EPHA6: variants seen among roughly 807,000 people sequenced by gnomAD.
EPHA6 encodes ephrin type-A receptor 6.
A neutral mutation model predicts 112.0 loss-of-function variants in EPHA6; 50 were observed. The observed-to-expected ratio is 0.45, with a 90% CI of 0.36 to 0.56. EPHA6 has a LOEUF of 0.56. Among genes scored for constraint, EPHA6 ranks in the 20% least tolerant of loss-of-function variants. The probability of loss-of-function intolerance (pLI) is 0.00; values close to 1 mark genes in which losing one functional copy is unlikely to be tolerated. For synonymous variants in EPHA6, 529 were observed against 490.7 expected (o/e 1.08, Z -1.03); for missense variants, 1,280 against 1,417.4 (o/e 0.90, Z 1.56).
chr3:97,128,762 T>G, intron 3 of EPHA6, among the ~76,000 whole-genome samples: 1 of 152,054 alleles, frequency 6.6e-6, no homozygotes, highest in Non-Finnish European at 1.5e-5. Flanking sequence ...TCAAGTGATC[T>G]GCCCACCTTG....
intron 14 of EPHA6, among the ~76,000 whole-genome samples, chr3:97,709,485 G>A (rs2033854673): frequency 6.6e-6 from 1 of 152,198 alleles, no homozygotes; most frequent in Admixed American, 6.5e-5. Flanking sequence ...GATTTTATAG[G>A]TTCATAGGTG....
intron 5 of EPHA6, among the ~76,000 whole-genome samples, chr3:97,378,159 C>T (rs902599229): frequency 6.6e-6 from 1 of 152,052 alleles, no homozygotes; most frequent in Non-Finnish European, 1.5e-5. Context: ...GACTTGTTGC[C>T]CTGCGTCCCA....
At chr3:96,841,860 G>A (rs1320384736) in intron 1 of EPHA6, among the ~76,000 whole-genome samples, 1 of 152,046 alleles carries the variant, frequency 6.6e-6, no homozygotes, top group Non-Finnish European at 1.5e-5. Context: ...TTTTGAGGAA[G>A]GTTTAGTACC....
At chr3:96,990,296 A>G (rs1380864958) in intron 3 of EPHA6, among the ~76,000 whole-genome samples, 4 of 152,114 alleles carry the variant, frequency 2.6e-5, no homozygotes, top group African/African-American at 9.7e-5. Flanking sequence ...GATTTGGCAA[A>G]GATAGTTTTG....
chr3:97,091,829 G>A (rs568215988), intron 3 of EPHA6, among the ~76,000 whole-genome samples: 2 of 152,020 alleles, frequency 1.3e-5, no homozygotes, highest in Admixed American at 6.6e-5. Context: ...TCTTATCATT[G>A]TAGTACTTTA....
At chr3:97,707,998 G>A (rs1429664315) in intron 14 of EPHA6, among the ~76,000 whole-genome samples, 2 of 152,162 alleles carry the variant, frequency 1.3e-5, no homozygotes, top group African/African-American at 2.4e-5. Context: ...CTTTATAGCA[G>A]AATGAAAATG....
At chr3:97,454,212 C>T (rs540125702) in intron 7 of EPHA6, among the ~76,000 whole-genome samples, 1 of 151,828 alleles carries the variant, frequency 6.6e-6, no homozygotes, top group East Asian at 1.9e-4. Flanking sequence ...ATCACTTCTT[C>T]CTTGGAATTT....
intron 5 of EPHA6, among the ~76,000 whole-genome samples, chr3:97,382,866 G>T (rs1489950212): frequency 6.6e-6 from 1 of 151,936 alleles, no homozygotes; most frequent in Non-Finnish European, 1.5e-5. Context: ...TGAGAAAAAA[G>T]AAAGTAGTAC....
intron 14 of EPHA6, among the ~76,000 whole-genome samples, chr3:97,694,812 T>C (rs1296025093): frequency 2.6e-5 from 4 of 152,214 alleles, no homozygotes; most frequent in African/African-American, 9.6e-5. Context: ...AAAATTGAAC[T>C]TTAAGAAGCT....
intron 6 of EPHA6, chr3:97,441,341 T>C (rs765554403): frequency 1.1e-5 from 5 of 445,250 alleles, no homozygotes; most frequent in Non-Finnish European, 1.5e-5. Flanking sequence ...GAGAAAAACA[T>C]AAAATTCACT....
chr3:97,230,082 A>G (rs1378342497), intron 4 of EPHA6, among the ~76,000 whole-genome samples: 3 of 152,152 alleles, frequency 2.0e-5, no homozygotes, highest in African/African-American at 4.8e-5. Context: ...TGATATTTCA[A>G]ATAGTTACAG....
At chr3:96,901,460 G>A (rs551456712) in intron 2 of EPHA6, among the ~76,000 whole-genome samples, 4 of 151,332 alleles carry the variant, frequency 2.6e-5, no homozygotes, top group African/African-American at 9.8e-5. Context: ...GAAAAGATGG[G>A]AAAATCTGGG....
chr3:96,995,230 G>T (rs1240437504), intron 3 of EPHA6, among the ~76,000 whole-genome samples: 1 of 152,042 alleles, frequency 6.6e-6, no homozygotes, highest in Non-Finnish European at 1.5e-5. Context: ...AGATGACTGT[G>T]CAAGCAGAGA....
intron 7 of EPHA6, among the ~76,000 whole-genome samples, chr3:97,469,989 C>T (rs947583644): frequency 2.0e-5 from 3 of 151,576 alleles, no homozygotes; most frequent in African/African-American, 7.3e-5. Context: ...TAACCCTATG[C>T]TTTTAAACCC....
intron 1 of EPHA6, among the ~76,000 whole-genome samples, chr3:96,844,416 C>G (rs1181201807): frequency 2.6e-5 from 4 of 151,968 alleles, no homozygotes; most frequent in African/African-American, 9.7e-5. Flanking sequence ...CTAAGTTAGT[C>G]ACATTTAAAA....
intron 13 of EPHA6, among the ~76,000 whole-genome samples, chr3:97,633,412 T>A (rs2093920159): frequency 6.6e-6 from 1 of 152,050 alleles, no homozygotes; most frequent in African/African-American, 2.4e-5. Context: ...CCATATGTCA[T>A]AAAAAAATTC....
At chr3:97,599,566 C>T (rs2093625819) in intron 12 of EPHA6, among the ~76,000 whole-genome samples, 2 of 151,024 alleles carry the variant, frequency 1.3e-5, no homozygotes, top group South Asian at 4.2e-4. Context: ...TGTCAAAGAT[C>T]AGACAGTTGT....
chr3:97,730,599 T>C (rs1416834948), intron 15 of EPHA6, among the ~76,000 whole-genome samples: 1 of 152,086 alleles, frequency 6.6e-6, no homozygotes, highest in Non-Finnish European at 1.5e-5. Context: ...AAACCTCAAT[T>C]AGTCCTTTAG....
intron 5 of EPHA6, among the ~76,000 whole-genome samples, chr3:97,306,981 C>G (rs1202362390): frequency 6.6e-6 from 1 of 151,388 alleles, no homozygotes; most frequent in Non-Finnish European, 1.5e-5. Flanking sequence ...ATTTCCCTCC[C>G]TGTATTTTGT....
Sources: allele counts gnomAD v4.1 joint callset (sites outside exome capture counted in the v4.1 genomes callset), GRCh38; gene constraint gnomAD v4.1.1; transcripts MANE v1.5; gene names NCBI Gene and HGNC (gene_info 2026-07-23, HGNC 2026-07-21).